Variants in TEAD1 observed in about 807,000 individuals in gnomAD.
The protein encoded by TEAD1 is transcriptional enhancer factor TEF-1.
In TEAD1, 9 loss-of-function variants were observed where a neutral mutation model predicts 54.9. The ratio of observed to expected loss-of-function variants is 0.16; its 90% CI spans 0.10 to 0.29. The LOEUF is 0.29. Among genes scored for constraint, TEAD1 ranks in the 10% least tolerant of loss-of-function variants. The pLI, the probability that TEAD1 is intolerant of heterozygous loss-of-function variation, is 1.00. For synonymous variants in TEAD1, 200 were observed against 187.8 expected (o/e 1.07, Z -0.53); for missense variants, 387 against 535.9 (o/e 0.72, Z 2.74).
intron 2 of TEAD1, among the ~76,000 whole-genome samples, chr11:12,714,012 G>T (rs1311936737): frequency 6.6e-6 from 1 of 152,226 alleles, no homozygotes; most frequent in Non-Finnish European, 1.5e-5. Context: ...GGCCTAGGGA[G>T]TGGAATTCCC....
chr11:12,758,888 G>C (rs183362702), intron 2 of TEAD1, among the ~76,000 whole-genome samples: 1 of 152,196 alleles, frequency 6.6e-6, no homozygotes, highest in Admixed American at 6.5e-5. Flanking sequence ...TGAATAAGTT[G>C]GCTTCCTCCA....
intron 3 of TEAD1, among the ~76,000 whole-genome samples, chr11:12,821,961 CTTT>C (rs10700151): frequency 0.036 from 2,417 of 68,002 alleles, 39 homozygotes; most frequent in South Asian, 0.084. Flanking sequence ...TTCTCTTTTC[CTTT>C]TTTTTTTTTT....
At chr11:12,765,230 G>A (rs1263318306) in intron 3 of TEAD1, among the ~76,000 whole-genome samples, 3 of 152,132 alleles carry the variant, frequency 2.0e-5, no homozygotes, top group African/African-American at 7.2e-5. Flanking sequence ...CTGGGTTTGG[G>A]CACCCCCTAA....
intron 3 of TEAD1, among the ~76,000 whole-genome samples, chr11:12,856,302 T>C (rs1947377564): frequency 6.6e-6 from 1 of 152,148 alleles, no homozygotes; most frequent in Non-Finnish European, 1.5e-5. Context: ...CCAAGGACTT[T>C]ATGACTTGGT....
In TEAD1 at chr11:12,943,085, G is replaced by T. The variant is rs1453491808; in HGVS notation, c.*5863G>T. On this transcript the variant is annotated 3_prime_UTR_variant, in exon 13 of 13. Coordinates refer to ENST00000527636, the MANE Select transcript of TEAD1 (RefSeq NM_021961.6). ...TCTAAACTCTTAATACATACGTTCT[G>T]TGTGTCTCTACCTGGCGTCTTTAAG... The T allele has an allele frequency of 6.6e-6, 1 of 152,222 alleles. No homozygotes were observed. Among genetic ancestry groups the T allele is most frequent in the Non-Finnish European group, 1.5e-5 (1 of 68,042 alleles). 9.4% of individuals were successfully genotyped at this position (152,222 alleles called of 1,614,324 possible). A position where few individuals can be genotyped will look rare whatever the true frequency, so the allele number is the denominator to read the frequency against.
intron 2 of TEAD1, among the ~76,000 whole-genome samples, chr11:12,726,558 A>AG (rs1384160451): frequency 1.3e-5 from 2 of 151,118 alleles, no homozygotes; most frequent in Middle Eastern, 3.2e-3. Flanking sequence ...TGGGGGGAAA[A>AG]AAAGTAAAAC....
At chr11:12,862,099 G>A in intron 3 of TEAD1, 151 bp from the exon 4 acceptor site, 1 of 603,822 alleles carries the variant, frequency 1.7e-6, no homozygotes, top group Non-Finnish European at 3.0e-6. Flanking sequence ...CATTTTTGCA[G>A]ACAATTGTGC....
intron 9 of TEAD1, among the ~76,000 whole-genome samples, chr11:12,884,944 A>G (rs1389018450): frequency 6.6e-6 from 1 of 152,186 alleles, no homozygotes; most frequent in Non-Finnish European, 1.5e-5. Flanking sequence ...TTTGGCCCAG[A>G]TGCTGCTTCT....
At chr11:12,843,667 T>C (rs539434613) in intron 3 of TEAD1, among the ~76,000 whole-genome samples, 2 of 152,386 alleles carry the variant, frequency 1.3e-5, no homozygotes, top group Admixed American at 1.3e-4. Context: ...TATTTTGTTT[T>C]ACTTTTCAGT....
intron 10 of TEAD1, among the ~76,000 whole-genome samples, chr11:12,917,767 C>T (rs899086256): frequency 2.6e-5 from 4 of 152,182 alleles, no homozygotes; most frequent in Non-Finnish European, 5.9e-5. Context: ...GTCTCTGTTT[C>T]TAGAGCAAAC....
chr11:12,689,592 G>A lies in TEAD1; in HGVS notation c.-55+14031G>A, dbSNP rs568101717. 3.9e-5 allele frequency among the ~76,000 whole-genome samples: 6 copies of A among 152,328 alleles called. No homozygotes were observed. The East Asian group carries it at 9.6e-4, about 24-fold the overall frequency. ...TTATGATTGTGACTACCATCATCCA[G>A]CAGCTGTGAAGTAGAGTGCCAAGTA... On this transcript the variant is annotated intron_variant, in intron 2 of 12. Coordinates refer to ENST00000527636, the MANE Select transcript of TEAD1 (RefSeq NM_021961.6).
intron 12 of TEAD1, 77 bp from the exon 13 acceptor site, chr11:12,937,032 T>G: frequency 1.0e-6 from 1 of 994,442 alleles, no homozygotes; most frequent in Non-Finnish European, 1.6e-6. Context: ...CTTCTCCAAT[T>G]AAGTCATAGT....
At chr11:12,878,774 TAC>T in intron 5 of TEAD1, 2 of 508,072 alleles carry the variant, frequency 3.9e-6, no homozygotes, top group Non-Finnish European at 5.8e-6. Flanking sequence ...TATGTTTGTG[TAC>T]ATATATACAT....
intron 2 of TEAD1, among the ~76,000 whole-genome samples, chr11:12,716,258 A>T (rs996463566): frequency 6.6e-6 from 1 of 151,996 alleles, no homozygotes; most frequent in South Asian, 2.1e-4. Context: ...CTGTGCCCCA[A>T]TCCAGCCTCA....
intron 10 of TEAD1, 38 bp from the exon 11 acceptor site, chr11:12,924,874 T>G: frequency 2.5e-6 from 4 of 1,613,646 alleles, no homozygotes; most frequent in Non-Finnish European, 2.5e-6. Context: ...ACTCCTGGGA[T>G]GAGAGAATAA....
At chr11:12,783,547 T>TG (rs1342618520) in intron 3 of TEAD1, among the ~76,000 whole-genome samples, 1 of 152,124 alleles carries the variant, frequency 6.6e-6, no homozygotes, top group Non-Finnish European at 1.5e-5. Flanking sequence ...ATTTCAGTTT[T>TG]GGGGGAAACC....
intron 2 of TEAD1, among the ~76,000 whole-genome samples, chr11:12,706,624 A>AC (rs1479796076): frequency 6.6e-6 from 1 of 152,214 alleles, no homozygotes; most frequent in Non-Finnish European, 1.5e-5. Context: ...ATTTCTAGCT[A>AC]ACAGTGGAGC....
chr11:12,789,757 T>A (rs1267980886), intron 3 of TEAD1, among the ~76,000 whole-genome samples: 2 of 152,330 alleles, frequency 1.3e-5, no homozygotes, highest in South Asian at 2.1e-4. Context: ...CCGAGCTCAG[T>A]TGGGTTGTAC....
Position 12,795,311 on chromosome 11 carries a change from C to T in TEAD1, c.202+30877C>T, listed in dbSNP as rs568120610. On this transcript the variant is annotated intron_variant, in intron 3 of 12. Transcript: ENST00000527636. ...TTGTCATATTGAACTAAGGGATCGC[C>T]CTACTCCAGTATGACCTTGACTGAT... 6.6e-5 allele frequency among the ~76,000 whole-genome samples: 10 copies of T among 152,268 alleles called. No homozygotes were observed. The East Asian group carries it at 1.9e-3, about 29-fold the overall frequency.
Sources: gnomAD v4.1 joint callset for allele counts (sites outside exome capture counted in the v4.1 genomes callset) on GRCh38, gnomAD v4.1.1 for gene constraint, MANE v1.5 for transcripts, NCBI Gene and HGNC (gene_info 2026-07-23, HGNC 2026-07-21) for gene names.